The following AOPEP variants were observed in gnomAD, a reference collection of about 807,000 sequenced individuals.
The protein encoded by AOPEP is aminopeptidase O (putative), also known as aminopeptidase O.
A neutral mutation model predicts 98.1 loss-of-function variants in AOPEP; 77 were observed. The ratio of observed to expected loss-of-function variants is 0.78; its 90% CI spans 0.65 to 0.95. The LOEUF (loss-of-function observed/expected upper bound fraction) is 0.95. Ranked by LOEUF, AOPEP falls within the 40% of genes least tolerant of loss-of-function variation. The pLI is 0.00. For missense variants in AOPEP, 1,024 were observed against 1,024.7 expected (o/e 1.00, Z 0.01); for synonymous variants, 346 against 365.3 (o/e 0.95, Z 0.60).
intron 5 of AOPEP, among the ~76,000 whole-genome samples, chr9:94,849,862 C>A (rs987034533): frequency 7.2e-5 from 11 of 152,064 alleles, no homozygotes; most frequent in Admixed American, 2.0e-4. Flanking sequence ...TGGCAAAACC[C>A]CGTGTGTACT....
At chr9:94,749,364 C>T (rs1184210358) in intron 1 of AOPEP, among the ~76,000 whole-genome samples, 4 of 152,108 alleles carry the variant, frequency 2.6e-5, no homozygotes, top group Non-Finnish European at 5.9e-5. Context: ...TGTATTTTCC[C>T]TGCCCAGCCT....
At chr9:94,902,062 C>T (rs1475500471) in intron 5 of AOPEP, among the ~76,000 whole-genome samples, 2 of 152,036 alleles carry the variant, frequency 1.3e-5, no homozygotes, top group Non-Finnish European at 2.9e-5. Flanking sequence ...GTGTCTAGAC[C>T]AGGACCACTG....
rs555185980 is a variant in AOPEP at position 95,057,695 on chromosome 9, A to G, written c.2116-2999A>G. The stretch of plus-strand genomic sequence containing the variant: ...AGTTTTATTGTCTGTGTCCCAAAAT[A>G]ACGTTTGTTCACTGATTTTTTTTCC... On this transcript the variant is annotated intron_variant, in intron 13 of 16. Transcript: ENST00000375315. 6.6e-5 allele frequency among the ~76,000 whole-genome samples: 10 copies of G among 152,382 alleles called. No homozygotes were observed. In the South Asian group the frequency reaches 2.1e-3, roughly 32 times the overall value.
chr9:95,021,249 G>A lies in AOPEP; in HGVS notation c.2115+15633G>A, dbSNP rs2063432357. 3.9e-5 allele frequency among the ~76,000 whole-genome samples: 6 copies of A among 152,262 alleles called. No individual in the cohort carries two copies. The South Asian group carries it at 1.2e-3, about 32-fold the overall frequency. Reference sequence around the variant, plus strand: ...CTGTGTTACTGGCAGGGCAAAATGGGTAGGAATAGTCTGGCTTAGGGAAAA... The same window carrying A: ...CTGTGTTACTGGCAGGGCAAAATGGATAGGAATAGTCTGGCTTAGGGAAAA... On this transcript the variant is annotated intron_variant, in intron 13 of 16. Transcript: ENST00000375315.
At chr9:94,772,516 G>C (rs1841118408) in intron 2 of AOPEP, among the ~76,000 whole-genome samples, 1 of 152,176 alleles carries the variant, frequency 6.6e-6, no homozygotes, top group Admixed American at 6.5e-5. Flanking sequence ...ATTTGAGATG[G>C]TGGCTTCCAA....
chr9:94,797,300 C>T lies in AOPEP; in HGVS notation c.1119-3457C>T, dbSNP rs544830519. Among the ~76,000 whole-genome samples the T allele has an allele frequency of 6.0e-4, 91 of 152,018 alleles. 1 individual carries two copies. The highest frequency in any genetic ancestry group is 2.1e-3 in the African/African-American group (88 of 41,476). The stretch of plus-strand genomic sequence containing the variant: ...TACAAAAATTAGTTGGGTGTGGTGA[C>T]GTGTGCCTGTAATCCTAGCTTACAG... On this transcript the variant is annotated intron_variant, in intron 4 of 16. Transcript: ENST00000375315.
the AOPEP span, chr9:95,107,061 C>T: frequency 6.2e-7 from 1 of 1,614,170 alleles, no homozygotes; most frequent in East Asian, 2.2e-5. Context: ...CACAGGGAGA[C>T]TTACCAGGGT....
chr9:95,135,540 G>T, the AOPEP span: 4 of 1,590,066 alleles, frequency 2.5e-6, no homozygotes, highest in Admixed American at 6.8e-5. Context: ...AAACAGAAAT[G>T]GCTCACTGAA....
chr9:94,940,362 T>C (rs2056866359), intron 7 of AOPEP, among the ~76,000 whole-genome samples: 1 of 152,154 alleles, frequency 6.6e-6, no homozygotes, highest in South Asian at 2.1e-4. Context: ...TCTCAGCACT[T>C]TGAGAGGCCG....
At chr9:95,127,417 G>C in the AOPEP span, 1 of 152,284 alleles carries the variant, frequency 6.6e-6, no homozygotes, top group Non-Finnish European at 1.5e-5. Context: ...CAGACCGGGA[G>C]GGGGAGATGG....
intron 5 of AOPEP, among the ~76,000 whole-genome samples, chr9:94,803,646 C>T (rs1002787950): frequency 2.6e-5 from 4 of 152,110 alleles, no homozygotes; most frequent in East Asian, 1.9e-4. Flanking sequence ...TTTAGAATTT[C>T]GAATGCTTTT....
At chr9:94,844,360 T>A (rs1435906210) in intron 5 of AOPEP, among the ~76,000 whole-genome samples, 1 of 152,212 alleles carries the variant, frequency 6.6e-6, no homozygotes, top group Non-Finnish European at 1.5e-5. Flanking sequence ...GAAAAGAAAT[T>A]TGTAATTGAT....
chr9:94,869,971 A>ATTTTTTTTTTT (rs10556167), intron 5 of AOPEP, among the ~76,000 whole-genome samples: 1 of 93,554 alleles, frequency 1.1e-5, no homozygotes, highest in African/African-American at 4.4e-5. Context: ...GAAGCCATGA[A>ATTTTTTTTTTT]TTTTTTTTTT....
intron 14 of AOPEP, among the ~76,000 whole-genome samples, chr9:95,077,413 C>T (rs1564610820): frequency 2.0e-5 from 3 of 152,180 alleles, no homozygotes; most frequent in East Asian, 1.9e-4. Flanking sequence ...CAGGATGCTG[C>T]GGGGTGGCTG....
intron 1 of AOPEP, among the ~76,000 whole-genome samples, chr9:94,728,229 G>A (rs1431637177): frequency 8.3e-6 from 1 of 120,728 alleles, no homozygotes; most frequent in African/African-American, 3.3e-5. Context: ...TCCTTCCTGC[G>A]TGCGCGCATG....
the AOPEP span, among the ~76,000 whole-genome samples, chr9:95,097,425 GCTC>G: frequency 6.6e-6 from 1 of 152,200 alleles, no homozygotes; most frequent in East Asian, 1.9e-4. Flanking sequence ...TTTGACCCAG[GCTC>G]CTCCATCTGA....
At chr9:94,777,309 G>A (rs1276192486) in intron 3 of AOPEP, among the ~76,000 whole-genome samples, 3 of 151,882 alleles carry the variant, frequency 2.0e-5, no homozygotes, top group Non-Finnish European at 4.4e-5. Flanking sequence ...GTGGGTGCCC[G>A]TAGTCCCAGC....
At chr9:94,932,148 A>C (rs2055429701) in intron 7 of AOPEP, 4 of 1,000,162 alleles carry the variant, frequency 4.0e-6, no homozygotes, top group Non-Finnish European at 4.8e-6. Context: ...AAATAAAAAA[A>C]CAAACAAACA....
chr9:94,938,719 G>A (rs957725575), intron 7 of AOPEP, among the ~76,000 whole-genome samples: 2 of 152,302 alleles, frequency 1.3e-5, no homozygotes, highest in Admixed American at 6.5e-5. Flanking sequence ...TGAAGAACTC[G>A]TATGTGATCC....
Sources: allele counts gnomAD v4.1 joint callset (sites outside exome capture counted in the v4.1 genomes callset), GRCh38; gene constraint gnomAD v4.1.1; transcripts MANE v1.5; gene names NCBI Gene and HGNC (gene_info 2026-07-23, HGNC 2026-07-21).